The following ESRP1 variants were observed in gnomAD, a reference collection of about 807,000 sequenced individuals.
ESRP1 encodes the protein epithelial splicing regulatory protein 1, also known as RNA-binding motif protein 35A.
ESRP1 carries 33 observed loss-of-function variants against 81.7 expected under a neutral mutation model. That is an observed-to-expected ratio of 0.40 (90% CI 0.31 to 0.54). The LOEUF (loss-of-function observed/expected upper bound fraction) is 0.54. ESRP1 is among the 20% of genes least tolerant of loss of function. ESRP1 has a pLI of 0.41. For missense variants in ESRP1, 672 were observed against 833.1 expected, an observed-to-expected ratio of 0.81 and a Z score of 2.38; for synonymous variants, 320 against 303.3, an observed-to-expected ratio of 1.06 and a Z score of -0.57.
chr8:94,642,482 G>T (rs530859676), intron 2 of ESRP1, among the ~76,000 whole-genome samples: 3 of 152,364 alleles, frequency 2.0e-5, no homozygotes, highest in African/African-American at 7.2e-5. Context: ...GCGCTGTGGC[G>T]TAGACGTGCA....
intron 15 of ESRP1, among the ~76,000 whole-genome samples, chr8:94,699,804 C>A (rs965655431): frequency 2.0e-5 from 3 of 152,050 alleles, no homozygotes; most frequent in Non-Finnish European, 4.4e-5. Context: ...ATAATCTCAC[C>A]ACCCAGAAAC....
chr8:94,687,050 T>C (rs1809169281), intron 13 of ESRP1, among the ~76,000 whole-genome samples: 1 of 152,198 alleles, frequency 6.6e-6, no homozygotes, highest in Non-Finnish European at 1.5e-5. Context: ...AATTTTACAA[T>C]CTAATCTTTA....
intron 13 of ESRP1, among the ~76,000 whole-genome samples, chr8:94,689,415 G>A (rs2130705037): frequency 6.6e-6 from 1 of 152,052 alleles, no homozygotes; most frequent in East Asian, 1.9e-4. Context: ...TATAGTGAAT[G>A]GAATTGTTTT....
intron 13 of ESRP1, among the ~76,000 whole-genome samples, chr8:94,678,926 A>G (rs1808752270): frequency 6.6e-6 from 1 of 152,238 alleles, no homozygotes; most frequent in Non-Finnish European, 1.5e-5. Flanking sequence ...GACATAGCAT[A>G]CTAGCATATA....
chr8:94,681,122 G>A (rs1012411443), intron 13 of ESRP1, among the ~76,000 whole-genome samples: 1 of 151,314 alleles, frequency 6.6e-6, no homozygotes, highest in African/African-American at 2.4e-5. Context: ...TCAGGAGATA[G>A]AGACCATCCT....
intron 6 of ESRP1, among the ~76,000 whole-genome samples, chr8:94,663,609 G>A (rs1215538369): frequency 6.6e-6 from 1 of 152,154 alleles, no homozygotes; most frequent in East Asian, 1.9e-4. Context: ...GTGTCTGTTA[G>A]TGATCGCAGG....
At chr8:94,674,828 G>A (rs1451086809) in intron 12 of ESRP1, among the ~76,000 whole-genome samples, 1 of 152,098 alleles carries the variant, frequency 6.6e-6, no homozygotes, top group South Asian at 2.1e-4. Flanking sequence ...ATTTTAGTAC[G>A]CATTTAAAGG....
intron 11 of ESRP1, among the ~76,000 whole-genome samples, chr8:94,672,520 A>G (rs2033073): frequency 0.67 from 102,323 of 151,966 alleles, 35,087 homozygotes; most frequent in East Asian, 0.79. Context: ...AGGTGGTTGT[A>G]GTTGAAACTT....
At chr8:94,692,576 T>C (rs1809446031) in intron 13 of ESRP1, 101 bp from the exon 14 acceptor site, 1 of 1,265,284 alleles carries the variant, frequency 7.9e-7, no homozygotes, top group African/African-American at 1.5e-5. Flanking sequence ...ATAAGAAAGG[T>C]TGCCTTGAGA....
chr8:94,699,303 A>G (rs563568122), intron 15 of ESRP1, among the ~76,000 whole-genome samples: 1 of 152,144 alleles, frequency 6.6e-6, no homozygotes, highest in African/African-American at 2.4e-5. Flanking sequence ...TCTTTTCATC[A>G]TAATAAAGTC....
chr8:94,700,975 G>GTA (rs1194543190), intron 15 of ESRP1, among the ~76,000 whole-genome samples: 2,737 of 143,252 alleles, frequency 0.019, 80 homozygotes, highest in African/African-American at 0.066. Flanking sequence ...GTGTGTGTGT[G>GTA]TGTGTGTGTT....
rs751121969 is a variant in ESRP1 at position 94,646,281 on chromosome 8, G to A, written c.489G>A (p.Glu163=). 1 of 1,576,834 alleles carries A rather than the reference G, an allele frequency of 6.3e-7. No individual in the cohort carries two copies. Residue 163 remains glutamate, a splice_region_variant and synonymous_variant, in exon 4 of 16, where the codon GAG becomes GAA. Coordinates refer to ENST00000433389, the MANE Select transcript of ESRP1 (RefSeq NM_017697.4). ...AACTGGACGTTGCCACAATGACAGAGTGTATCCTTTAAATCATTACTCAAG... is the reference window on the plus strand; with the variant it reads ...AACTGGACGTTGCCACAATGACAGAATGTATCCTTTAAATCATTACTCAAG... ...IDKLDVATMT[E]YLNFEKSSSV... is the part of the protein sequence containing the mutation.
At chr8:94,660,709 CAAAAAAAAAAAAAAA>C (rs60316449) in intron 4 of ESRP1, among the ~76,000 whole-genome samples, 8 of 43,532 alleles carry the variant, frequency 1.8e-4, no homozygotes, top group Admixed American at 3.8e-4. Context: ...GAGACTATCT[CAAAAAAAAAAAAAAA>C]AAAAAAAAAA....
intron 10 of ESRP1, 22 bp from the exon 11 acceptor site, chr8:94,671,431 T>G (rs1338225411): frequency 6.2e-7 from 1 of 1,600,750 alleles, no homozygotes; most frequent in Non-Finnish European, 8.5e-7. Context: ...TCTAAATTAC[T>G]TCTGTTTTGC....
At chr8:94,700,790 G>A (rs1345154586) in intron 15 of ESRP1, among the ~76,000 whole-genome samples, 1 of 152,064 alleles carries the variant, frequency 6.6e-6, no homozygotes, top group Non-Finnish European at 1.5e-5. Context: ...TCAGCTGGGT[G>A]TGGTGGTGGG....
intron 3 of ESRP1, 73 bp downstream of exon 3, chr8:94,643,489 T>C: frequency 2.3e-6 from 2 of 872,366 alleles, no homozygotes; most frequent in Non-Finnish European, 3.7e-6. Flanking sequence ...AAATTTTTGG[T>C]TTATTCAAGT....
intron 10 of ESRP1, among the ~76,000 whole-genome samples, chr8:94,670,331 A>G (rs2130636578): frequency 6.6e-6 from 1 of 152,192 alleles, no homozygotes; most frequent in South Asian, 2.1e-4. Flanking sequence ...TTACTACACT[A>G]ATTTTCTATT....
Position 94,668,008 on chromosome 8 carries a change from C to CGGGGGCT in ESRP1, c.992_998dup (p.Pro334GlyfsTer9). The CGGGGGCT allele has an allele frequency of 6.2e-7, 1 of 1,613,072 alleles. No individual in the cohort carries two copies. The highest frequency in any genetic ancestry group is 8.5e-7 in the Non-Finnish European group (1 of 1,179,330). On this transcript the variant is annotated frameshift_variant, in exon 10 of 16. Transcript: ENST00000433389. LOFTEE classifies it high-confidence loss of function. The stretch of plus-strand genomic sequence containing the variant: ...GGAAAATCAAGTCATTGTCCGCATG[C>CGGGGGCT]GGGGGCTCCCTTTCACGGCCACAGC...
intron 15 of ESRP1, among the ~76,000 whole-genome samples, chr8:94,703,108 GTTTT>G (rs201767398): frequency 7.8e-6 from 1 of 128,528 alleles, no homozygotes. Context: ...GAGATTGATT[GTTTT>G]TTTTTTTTTT....
Sources: allele counts gnomAD v4.1 joint callset (sites outside exome capture counted in the v4.1 genomes callset), GRCh38; gene constraint gnomAD v4.1.1; transcripts MANE v1.5; gene names NCBI Gene and HGNC (gene_info 2026-07-23, HGNC 2026-07-21).